SLC4A4: variants seen among roughly 807,000 people sequenced by gnomAD.
The protein encoded by SLC4A4 is electrogenic sodium bicarbonate cotransporter 1.
A neutral mutation model predicts 111.5 loss-of-function variants in SLC4A4; 27 were observed. That is an observed-to-expected ratio of 0.24 (90% CI 0.18 to 0.33). The LOEUF is 0.33. Among genes scored for constraint, SLC4A4 ranks in the 10% least tolerant of loss-of-function variants. The pLI, the probability that SLC4A4 is intolerant of heterozygous loss-of-function variation, is 1.00. For synonymous variants in SLC4A4, 443 were observed against 463.4 expected, an observed-to-expected ratio of 0.96 and a Z score of 0.57; for missense variants, 909 against 1,315.5, an observed-to-expected ratio of 0.69 and a Z score of 4.78.
chr4:71,440,944 A>T lies in SLC4A4; in HGVS notation c.965+171A>T, dbSNP rs543504492. Among the ~76,000 whole-genome samples, 7 of 152,326 alleles carry T rather than the reference A, an allele frequency of 4.6e-5. No homozygotes were observed. In the South Asian group the frequency reaches 1.5e-3, roughly 32 times the overall value. On this transcript the variant is annotated intron_variant, in intron 8 of 25. Transcript: ENST00000264485. Reference sequence around the variant, plus strand: ...TACTGTCAAATTTCTTGGCACTTATATAGTAATAATAATAGCAATTATAAT... The same window carrying T: ...TACTGTCAAATTTCTTGGCACTTATTTAGTAATAATAATAGCAATTATAAT...
intron 3 of SLC4A4, among the ~76,000 whole-genome samples, chr4:71,296,836 G>T (rs982423599): frequency 1.3e-5 from 2 of 152,064 alleles, no homozygotes; most frequent in Non-Finnish European, 2.9e-5. Flanking sequence ...ATACCTGTTT[G>T]CTTTGTTGGC....
intron 3 of SLC4A4, among the ~76,000 whole-genome samples, chr4:71,333,345 CAG>C (rs746711731): frequency 1.1e-4 from 17 of 152,378 alleles, no homozygotes; most frequent in Non-Finnish European, 2.1e-4. Flanking sequence ...GATTACCAGG[CAG>C]AGACTCTTGT....
intron 6 of SLC4A4, among the ~76,000 whole-genome samples, chr4:71,373,368 CAG>C (rs1732056962): frequency 6.6e-6 from 1 of 152,156 alleles, no homozygotes; most frequent in African/African-American, 2.4e-5. Context: ...GGGGTATAAA[CAG>C]AGAATTGGGA....
At chr4:71,196,257 G>A (rs1745994596) in intron 1 of SLC4A4, among the ~76,000 whole-genome samples, 1 of 152,172 alleles carries the variant, frequency 6.6e-6, no homozygotes, top group Admixed American at 6.5e-5. Context: ...ACTAATTACA[G>A]TTGCTTTGGA....
intron 6 of SLC4A4, among the ~76,000 whole-genome samples, chr4:71,391,042 A>C (rs1249852134): frequency 1.3e-5 from 2 of 152,114 alleles, no homozygotes; most frequent in Admixed American, 6.5e-5. Context: ...ATGCCAACAA[A>C]GGAAGAAGAA....
At chr4:71,428,365 A>G (rs957194733) in intron 7 of SLC4A4, among the ~76,000 whole-genome samples, 2 of 152,100 alleles carry the variant, frequency 1.3e-5, no homozygotes, top group African/African-American at 4.8e-5. Context: ...CAGGGTGGCC[A>G]TAATAATTTT....
intron 2 of SLC4A4, among the ~76,000 whole-genome samples, chr4:71,149,806 A>G (rs778700898): frequency 1.1e-4 from 16 of 152,160 alleles, no homozygotes; most frequent in Non-Finnish European, 1.9e-4. Flanking sequence ...CACCATGAAA[A>G]TGCAGCCAGA....
intron 20 of SLC4A4, 52 bp downstream of exon 20, chr4:71,547,772 T>G (rs759886101): frequency 7.0e-7 from 1 of 1,433,948 alleles, no homozygotes; most frequent in Non-Finnish European, 9.8e-7. Context: ...GACATATAAT[T>G]GGACATGTGA....
At chr4:71,556,030 AG>A (rs1736453731) in intron 21 of SLC4A4, among the ~76,000 whole-genome samples, 1 of 151,974 alleles carries the variant, frequency 6.6e-6, no homozygotes, top group South Asian at 2.1e-4. Context: ...TAATGGGAAA[AG>A]ACTGCATGTC....
intron 1 of SLC4A4, among the ~76,000 whole-genome samples, chr4:71,210,462 T>C (rs1438093796): frequency 6.6e-6 from 1 of 152,244 alleles, no homozygotes; most frequent in Non-Finnish European, 1.5e-5. Flanking sequence ...AAACTTTAGT[T>C]TGTGGGCAAT....
At chr4:71,183,232 C>A (rs1044348175), upstream of SLC4A4, among the ~76,000 whole-genome samples, 3 of 152,134 alleles carry the variant, frequency 2.0e-5, no homozygotes, top group East Asian at 1.9e-4. Context: ...GAAGTTAGAA[C>A]CCTCTACTGA....
intron 3 of SLC4A4, among the ~76,000 whole-genome samples, chr4:71,299,333 C>T (rs1725040303): frequency 6.6e-6 from 1 of 152,168 alleles, no homozygotes; most frequent in East Asian, 1.9e-4. Flanking sequence ...TAAGACCTTA[C>T]TGCTTATGTA....
intron 16 of SLC4A4, among the ~76,000 whole-genome samples, chr4:71,501,184 T>C (rs1317159477): frequency 6.6e-6 from 1 of 152,176 alleles, no homozygotes; most frequent in African/African-American, 2.4e-5. Context: ...CCTGGTTAAA[T>C]TTATTCTTAA....
chr4:71,314,073 GA>G (rs952968370), intron 3 of SLC4A4, among the ~76,000 whole-genome samples: 16 of 149,992 alleles, frequency 1.1e-4, no homozygotes, highest in African/African-American at 3.9e-4. Context: ...AAATTTACAA[GA>G]AAAAAAAACC....
At chr4:71,379,857 T>C (rs1216546430) in intron 6 of SLC4A4, among the ~76,000 whole-genome samples, 2 of 152,110 alleles carry the variant, frequency 1.3e-5, no homozygotes, top group African/African-American at 2.4e-5. Context: ...GATGGTGATA[T>C]GTGGAGCTGT....
chr4:71,213,896 A>G (rs1718276150), intron 1 of SLC4A4, among the ~76,000 whole-genome samples: 1 of 152,190 alleles, frequency 6.6e-6, no homozygotes, highest in Non-Finnish European at 1.5e-5. Flanking sequence ...TTGGACGTCC[A>G]AGTCTTCAGA....
chr4:71,157,918 C>T (rs891066319), intron 2 of SLC4A4, among the ~76,000 whole-genome samples: 4 of 152,060 alleles, frequency 2.6e-5, no homozygotes, highest in Non-Finnish European at 5.9e-5. Flanking sequence ...CACCCACCTG[C>T]CTTAAAGCCA....
rs369531659 is a variant in SLC4A4 at position 71,197,097 on chromosome 4, C to T, written c.-2+9696C>T. 5.9e-5 allele frequency among the ~76,000 whole-genome samples: 9 copies of T among 151,984 alleles called. No homozygotes were observed. In the East Asian group the frequency reaches 1.2e-3, roughly 20 times the overall value. ...AGGCATGGTGGTGGGCACCTGTAAT[C>T]CCAGCTACTTGGGAGGCTAAGACAG... On this transcript the variant is annotated intron_variant, in intron 1 of 25. Coordinates refer to ENST00000264485, the MANE Select transcript of SLC4A4 (RefSeq NM_001098484.3).
intron 22 of SLC4A4, 129 bp downstream of exon 22, chr4:71,558,014 A>G (rs1736626535): frequency 1.4e-6 from 1 of 739,864 alleles, no homozygotes; most frequent in Non-Finnish European, 2.3e-6. Flanking sequence ...CATCACTTTG[A>G]TCAGTTGTAA....
Sources: allele counts gnomAD v4.1 joint callset (sites outside exome capture counted in the v4.1 genomes callset), GRCh38; gene constraint gnomAD v4.1.1; transcripts MANE v1.5; gene names NCBI Gene and HGNC (gene_info 2026-07-23, HGNC 2026-07-21).